ZNF558: variants seen among roughly 807,000 people sequenced by gnomAD.
ZNF558 encodes the protein zinc finger protein 558.
In ZNF558, 23 loss-of-function variants were observed where a neutral mutation model predicts 37.6. That is an observed-to-expected ratio of 0.61 (90% CI 0.44 to 0.87). ZNF558 has a LOEUF of 0.87. Ranked by LOEUF, ZNF558 falls within the 40% of genes least tolerant of loss-of-function variation. ZNF558 has a pLI of 0.00. For missense variants in ZNF558, 429 were observed against 483.7 expected, an observed-to-expected ratio of 0.89 and a Z score of 1.06; for synonymous variants, 189 against 174.4, an observed-to-expected ratio of 1.08 and a Z score of -0.66.
At position 8,811,096 on chromosome 19, in the gene ZNF558, G is replaced by T; in HGVS notation, c.*185C>A. ...TGCAGTGTAACTACAGAGATAAGCTGTTCTTGAATTCCTGATCTGTAGAAA... is the reference window on the plus strand; with the variant it reads ...TGCAGTGTAACTACAGAGATAAGCTTTTCTTGAATTCCTGATCTGTAGAAA... On this transcript the variant is annotated 3_prime_UTR_variant, in exon 10 of 10. Transcript: ENST00000601372. 1 of 580,822 alleles carries T rather than the reference G, an allele frequency of 1.7e-6. No individual in the cohort carries two copies. Among genetic ancestry groups the T allele is most frequent in the Non-Finnish European group, 3.0e-6 (1 of 337,904 alleles). The allele number at this position is 580,822 out of a possible 1,614,324, so 36.0% of individuals were successfully genotyped here.
intron 9 of ZNF558, 104 bp downstream of exon 9, chr19:8,812,457 A>C: frequency 1.4e-6 from 1 of 700,040 alleles, no homozygotes; most frequent in Non-Finnish European, 2.3e-6. Context: ...CTCAATTATA[A>C]ATGACACTTT....
At chr19:8,816,474 C>T (rs1236891577) in intron 7 of ZNF558, among the ~76,000 whole-genome samples, 1 of 152,100 alleles carries the variant, frequency 6.6e-6, no homozygotes, top group African/African-American at 2.4e-5. Context: ...CAGTCAATTT[C>T]TCAATAGAAA....
In ZNF558 at chr19:8,810,339, A is replaced by G. The variant is rs907877547; in HGVS notation, c.*942T>C. On this transcript the variant is annotated 3_prime_UTR_variant, in exon 10 of 10. Transcript: ENST00000601372. ...ATTCCGCATTTCTGAGTGTTGTTCCATTGTGTGATTTCCAGTGCGTCTTAA... is the reference window on the plus strand; with the variant it reads ...ATTCCGCATTTCTGAGTGTTGTTCCGTTGTGTGATTTCCAGTGCGTCTTAA... 1.3e-5 allele frequency: 2 copies of G among 152,184 alleles called. No individual in the cohort carries two copies. Among genetic ancestry groups the G allele is most frequent in the Non-Finnish European group, 2.9e-5 (2 of 68,028 alleles). The allele number at this position is 152,184 out of a possible 1,614,324, so 9.4% of individuals were successfully genotyped here. A position where few individuals can be genotyped will look rare whatever the true frequency, so the allele number is the denominator to read the frequency against.
upstream of ZNF558, among the ~76,000 whole-genome samples, chr19:8,834,638 CAAAA>C (rs778953517): frequency 1.4e-4 from 18 of 129,834 alleles, no homozygotes; most frequent in African/African-American, 4.8e-4. Flanking sequence ...CAAAAAAAAA[CAAAA>C]AAAAAACCAA....
At chr19:8,812,695 G>C in intron 8 of ZNF558, 52 bp from the exon 9 acceptor site, 1 of 1,225,004 alleles carries the variant, frequency 8.2e-7, no homozygotes, top group Non-Finnish European at 1.2e-6. Flanking sequence ...AAATGGAAAA[G>C]TGTACACATG....
At chr19:8,833,446 C>A (rs2044410554), upstream of ZNF558, 1 of 152,150 alleles carries the variant, frequency 6.6e-6, no homozygotes, top group Admixed American at 6.5e-5. Context: ...TAATTTTCTC[C>A]TCTATCTTTC....
At chr19:8,832,789 C>T (rs962504322), upstream of ZNF558, among the ~76,000 whole-genome samples, 1 of 149,766 alleles carries the variant, frequency 6.7e-6, no homozygotes, top group Non-Finnish European at 1.5e-5. Context: ...TGGAGACCTC[C>T]ATTTCCGGGG....
Position 8,813,401 on chromosome 19 carries a change from C to T in ZNF558, c.248-179G>A, listed in dbSNP as rs565639622. Among the ~76,000 whole-genome samples the T allele has an allele frequency of 5.9e-5, 9 of 152,206 alleles. No individual in the cohort carries two copies. The South Asian group carries it at 8.3e-4, about 14-fold the overall frequency. On this transcript the variant is annotated intron_variant, in intron 7 of 9. Coordinates refer to ENST00000601372, the MANE Select transcript of ZNF558 (RefSeq NM_144693.3). ...TGAGATGGAGTCTTGCTCTGTCGCC[C>T]GGGTTGAAGTGCAGTGGCATGATCT...
In ZNF558 at chr19:8,807,690, C is replaced by T. The variant is rs2043714233; in HGVS notation, c.*3591G>A. ...GCTCCTTACCAAGAGGCTTTCTTTT[C>T]CTAGTTATATAAAATTATTATTCCC... On this transcript the variant is annotated 3_prime_UTR_variant, in exon 10 of 10. Coordinates refer to ENST00000601372, the MANE Select transcript of ZNF558 (RefSeq NM_144693.3). 1 of 152,114 alleles carries T rather than the reference C, an allele frequency of 6.6e-6. No homozygotes were observed. The highest frequency in any genetic ancestry group is 2.1e-4 in the South Asian group (1 of 4,818). 9.4% of individuals were successfully genotyped at this position (152,114 alleles called of 1,614,324 possible). A position where few individuals can be genotyped will look rare whatever the true frequency, so the allele number is the denominator to read the frequency against.
intron 6 of ZNF558, 115 bp from the exon 7 acceptor site, chr19:8,821,421 G>C (rs550591109): frequency 3.1e-5 from 49 of 1,593,456 alleles, no homozygotes; most frequent in East Asian, 1.6e-4. Context: ...GAGATGTTGG[G>C]GGGGGTGGTT....
chr19:8,825,413 G>A (rs1004309583), intron 2 of ZNF558, among the ~76,000 whole-genome samples: 3 of 151,116 alleles, frequency 2.0e-5, no homozygotes, highest in African/African-American at 7.3e-5. Flanking sequence ...AAATAACAAA[G>A]AAACATGTAG....
At position 8,807,072 on chromosome 19, in the gene ZNF558, T is replaced by C. The variant is rs1555766385; in HGVS notation, c.*4209A>G. 2 of 152,238 alleles carry C rather than the reference T, an allele frequency of 1.3e-5. No individual in the cohort carries two copies. Among genetic ancestry groups the C allele is most frequent in the Non-Finnish European group, 2.9e-5 (2 of 68,044 alleles). The allele number at this position is 152,238 out of a possible 1,614,324, so 9.4% of individuals were successfully genotyped here. A position where few individuals can be genotyped will look rare whatever the true frequency, so the allele number is the denominator to read the frequency against. On this transcript the variant is annotated 3_prime_UTR_variant, in exon 10 of 10. Transcript: ENST00000601372. ...ACCCAAATTGTCTCTGGATCTGCTA[T>C]TGATTTATATATTCATAAATGGGGA... is the stretch of plus-strand genomic sequence containing the variant.
intron 9 of ZNF558, 44 bp downstream of exon 9, chr19:8,812,513 GGCAT>G: frequency 7.6e-7 from 1 of 1,314,598 alleles, no homozygotes; most frequent in Non-Finnish European, 1.0e-6. Context: ...CTAAACTTAA[GGCAT>G]TCTCCTACTG....
chr19:8,823,357 C>T (rs1183282219), intron 4 of ZNF558, among the ~76,000 whole-genome samples: 2 of 142,528 alleles, frequency 1.4e-5, no homozygotes, highest in South Asian at 2.3e-4. Context: ...GCCTCGGTCA[C>T]CCCCCTCCTG....
In ZNF558 at chr19:8,808,456, A is replaced by T. The variant is rs2043721463; in HGVS notation, c.*2825T>A. On this transcript the variant is annotated 3_prime_UTR_variant, in exon 10 of 10. Coordinates refer to ENST00000601372, the MANE Select transcript of ZNF558 (RefSeq NM_144693.3). ...TAGTTACATAATGTCAAAATATATAAAAATGACAAAATTACAGTGTTAATA... is the reference window on the plus strand; with the variant it reads ...TAGTTACATAATGTCAAAATATATATAAATGACAAAATTACAGTGTTAATA... The T allele has an allele frequency of 6.6e-6, 1 of 152,260 alleles. No homozygotes were observed. The highest frequency in any genetic ancestry group is 2.4e-5 in the African/African-American group (1 of 41,470). The allele number at this position is 152,260 out of a possible 1,614,324, so 9.4% of individuals were successfully genotyped here.
At chr19:8,836,464 T>TC (rs928192773), upstream of ZNF558, among the ~76,000 whole-genome samples, 4 of 148,278 alleles carry the variant, frequency 2.7e-5, no homozygotes, top group East Asian at 4.0e-4. Context: ...TTCCTCCTCC[T>TC]CCCCCCCTCT....
chr19:8,827,332 G>A (rs989113564), intron 2 of ZNF558, among the ~76,000 whole-genome samples: 4 of 152,016 alleles, frequency 2.6e-5, no homozygotes, highest in African/African-American at 9.7e-5. Flanking sequence ...TTTTTTGGGA[G>A]CAATCATCTG....
intron 2 of ZNF558, among the ~76,000 whole-genome samples, chr19:8,826,521 G>T (rs2044235334): frequency 6.6e-6 from 1 of 151,890 alleles, no homozygotes; most frequent in African/African-American, 2.4e-5. Flanking sequence ...TTCACAATAG[G>T]GTTTGGGCTC....
chr19:8,827,142 TC>T, intron 2 of ZNF558, among the ~76,000 whole-genome samples: 1 of 147,234 alleles, frequency 6.8e-6, no homozygotes, highest in South Asian at 2.1e-4. Context: ...AGGGGTCTCT[TC>T]AGTTTACAGA....
Sources: allele counts gnomAD v4.1 joint callset (sites outside exome capture counted in the v4.1 genomes callset), GRCh38; gene constraint gnomAD v4.1.1; transcripts MANE v1.5; gene names NCBI Gene and HGNC (gene_info 2026-07-23, HGNC 2026-07-21).